The following CASK variants were observed in gnomAD, a reference collection of about 807,000 sequenced individuals.
CASK encodes calcium/calmodulin dependent serine protein kinase.
In CASK, 4 loss-of-function variants were observed where a neutral mutation model predicts 82.9. That is an observed-to-expected ratio of 0.05 (90% confidence interval 0.02 to 0.11). The LOEUF is 0.11. Among genes scored for constraint, CASK ranks in the 10% least tolerant of loss-of-function variants. CASK has a pLI of 1.00. For missense variants in CASK, 358 were observed against 720.9 expected, an observed-to-expected ratio of 0.50 and a Z score of 5.76; for synonymous variants, 259 against 253.5, an observed-to-expected ratio of 1.02 and a Z score of -0.20.
chrX:41,735,674 A>G (rs2068482348), intron 5 of CASK, among the ~76,000 whole-genome samples: 1 of 109,475 alleles, frequency 9.1e-6, no homozygotes, highest in African/African-American at 3.3e-5. Flanking sequence ...TGCCTCAGCC[A>G]CACCGGCCTC....
intron 25 of CASK, among the ~76,000 whole-genome samples, chrX:41,530,006 C>T (rs2064776282): frequency 1.8e-5 from 2 of 111,873 alleles, no homozygotes; most frequent in Non-Finnish European, 3.8e-5. Flanking sequence ...AACAGGGATT[C>T]GCCCTGCCTA....
intron 10 of CASK, 32 bp downstream of exon 10, chrX:41,626,567 TGACCC>T (rs754307671): frequency 1.5e-5 from 13 of 880,048 alleles, no homozygotes; most frequent in Admixed American, 4.4e-5. Context: ...AAATGCCAAA[TGACCC>T]ACACAGGTGA....
At chrX:41,826,453 C>T (rs951228119) in intron 2 of CASK, among the ~76,000 whole-genome samples, 3 of 111,351 alleles carry the variant, frequency 2.7e-5, no homozygotes, top group African/African-American at 9.8e-5. Flanking sequence ...CTGCTTTGGC[C>T]CTTGGTTTAG....
At chrX:41,904,413 A>G (rs1416983603) in intron 1 of CASK, among the ~76,000 whole-genome samples, 1 of 112,148 alleles carries the variant, frequency 8.9e-6, no homozygotes, top group Non-Finnish European at 1.9e-5. Flanking sequence ...TTCAAATGAA[A>G]AACAGATTTA....
chrX:41,702,928 G>C (rs891469664), intron 5 of CASK, among the ~76,000 whole-genome samples: 3 of 112,004 alleles, frequency 2.7e-5, no homozygotes, highest in Non-Finnish European at 5.6e-5. Context: ...TTGAATAGAA[G>C]AAAAAAAATG....
At chrX:41,678,264 G>C (rs2067300458) in intron 5 of CASK, among the ~76,000 whole-genome samples, 1 of 111,303 alleles carries the variant, frequency 9.0e-6, no homozygotes, top group Non-Finnish European at 1.9e-5. Context: ...ACTATGTCTT[G>C]TGAGTGTCTC....
At chrX:41,727,528 A>T in intron 5 of CASK, 1 of 1,210,103 alleles carries the variant, frequency 8.3e-7, no homozygotes, top group Non-Finnish European at 1.1e-6. Context: ...GGGCATAATC[A>T]TTCCAGTTAC....
At chrX:41,602,070 G>A (rs1470376304) in intron 12 of CASK, among the ~76,000 whole-genome samples, 1 of 111,867 alleles carries the variant, frequency 8.9e-6, no homozygotes, top group African/African-American at 3.2e-5. Flanking sequence ...TTTGAAATCA[G>A]TTATCCAATT....
chrX:41,706,660 C>CT (rs1034993843), intron 5 of CASK, among the ~76,000 whole-genome samples: 5 of 111,216 alleles, frequency 4.5e-5, no homozygotes, highest in East Asian at 2.8e-4. Flanking sequence ...TACACATATA[C>CT]TTTTTTTTAG....
chrX:41,792,725 A>G (rs1334633054), intron 2 of CASK, among the ~76,000 whole-genome samples: 1 of 112,347 alleles, frequency 8.9e-6, no homozygotes, highest in African/African-American at 3.2e-5. Flanking sequence ...ATTTTATCCA[A>G]TTCAATGTAT....
At chrX:41,625,182 ATT>A (rs1300997872) in intron 10 of CASK, among the ~76,000 whole-genome samples, 4 of 94,917 alleles carry the variant, frequency 4.2e-5, no homozygotes, top group Admixed American at 1.2e-4. Flanking sequence ...TTATCTCTTA[ATT>A]TTTTTTTTTT....
rs778831188 is a variant in CASK, at chrX:41,576,433, C to CCT, written c.1503+1905_1503+1906dup. ...TTTGCCTGGCTGAACATCACACCTT[C>CCT]CTGCCTCTCCAACACAGCTTTCTCT... On this transcript the variant is annotated intron_variant, in intron 15 of 26. Transcript: ENST00000378163. Among the ~76,000 whole-genome samples, 522 of 111,148 alleles carry CCT rather than the reference C, an allele frequency of 4.7e-3. 4 individuals carry two copies. The highest frequency in any genetic ancestry group is 0.016 in the African/African-American group (500 of 30,616).
At chrX:41,660,091 A>T (rs913387818) in intron 8 of CASK, 1 of 300,462 alleles carries the variant, frequency 3.3e-6, no homozygotes, top group South Asian at 8.6e-5. Context: ...GCACACAGTC[A>T]CACCCAAAAT....
chrX:41,527,097 T>C (rs2064723798), intron 25 of CASK, among the ~76,000 whole-genome samples: 1 of 111,287 alleles, frequency 9.0e-6, no homozygotes, highest in African/African-American at 3.3e-5. Flanking sequence ...CTAAACCCTC[T>C]TCCTTTCTGA....
chrX:41,604,175 C>T (rs774710807), intron 12 of CASK, among the ~76,000 whole-genome samples: 1 of 108,108 alleles, frequency 9.3e-6, no homozygotes, highest in Non-Finnish European at 1.9e-5. Context: ...TGCACTCACA[C>T]GTGAAGAATT....
intron 14 of CASK, among the ~76,000 whole-genome samples, chrX:41,580,648 C>A (rs2065561542): frequency 9.0e-6 from 1 of 111,566 alleles, no homozygotes; most frequent in Non-Finnish European, 1.9e-5. Context: ...ATGATTGCTA[C>A]CACAAAACGA....
chrX:41,870,969 A>G (rs1354527047), intron 1 of CASK, among the ~76,000 whole-genome samples: 1 of 112,421 alleles, frequency 8.9e-6, no homozygotes, highest in Non-Finnish European at 1.9e-5. Context: ...CAGGTGTCTC[A>G]GCTAGGTTGT....
At chrX:41,618,350 A>G (rs1329730155) in intron 11 of CASK, among the ~76,000 whole-genome samples, 4 of 110,943 alleles carry the variant, frequency 3.6e-5, no homozygotes, top group Non-Finnish European at 7.5e-5. Flanking sequence ...CCTAGGCTGG[A>G]GTGTAGTGGC....
chrX:41,727,584 A>G (rs896785607), intron 5 of CASK: 5 of 1,205,219 alleles, frequency 4.1e-6, no homozygotes, highest in Non-Finnish European at 3.4e-6. Flanking sequence ...AAGAGAGCCT[A>G]TGCTACAATC....
Sources: gnomAD v4.1 joint callset for allele counts (sites outside exome capture counted in the v4.1 genomes callset) on GRCh38, gnomAD v4.1.1 for gene constraint, MANE v1.5 for transcripts, NCBI Gene and HGNC (gene_info 2026-07-23, HGNC 2026-07-21) for gene names.